The following GABPB1 variants were observed in gnomAD, a reference collection of about 807,000 sequenced individuals.
GABPB1 encodes the protein GA binding protein transcription factor subunit beta 1.
GABPB1 carries 15 observed loss-of-function variants against 45.9 expected under a neutral mutation model. The ratio of observed to expected loss-of-function variants is 0.33; its 90% confidence interval spans 0.22 to 0.50. The LOEUF is 0.50. GABPB1 is among the 20% of genes least tolerant of loss of function. GABPB1 has a pLI of 0.98. For synonymous variants in GABPB1, 143 were observed against 154.4 expected (o/e 0.93, Z 0.55); for missense variants, 252 against 457.5 (o/e 0.55, Z 4.10).
At chr15:50,283,340 T>C (rs988370581) in intron 8 of GABPB1, among the ~76,000 whole-genome samples, 7 of 151,820 alleles carry the variant, frequency 4.6e-5, no homozygotes, top group African/African-American at 1.7e-4. Flanking sequence ...ATTTTATTCA[T>C]ACCTTTCCCT....
At chr15:50,354,444 G>C (rs1273175213) in intron 1 of GABPB1, 1 of 448,474 alleles carries the variant, frequency 2.2e-6, no homozygotes, top group Admixed American at 2.4e-5. Flanking sequence ...GCAGCACAGG[G>C]CGCCCAGGAC....
At chr15:50,339,763 G>A (rs1161232162) in intron 1 of GABPB1, among the ~76,000 whole-genome samples, 1 of 152,098 alleles carries the variant, frequency 6.6e-6, no homozygotes, top group Non-Finnish European at 1.5e-5. Context: ...CATATCTAAA[G>A]TACATAAATT....
At position 50,283,284 on chromosome 15, in the gene GABPB1, C is replaced by T. The variant is rs528695803; in HGVS notation, c.999+2784G>A. 9.2e-4 allele frequency among the ~76,000 whole-genome samples: 140 copies of T among 151,528 alleles called. 2 individuals carry two copies. Among genetic ancestry groups the T allele is most frequent in the Admixed American group, 2.0e-3 (31 of 15,200 alleles). Reference sequence around the variant, plus strand: ...TCTTCCTCCAAAAATATCTTCAATGCGGTAATAAATGGAAGATAAAATTAT... The same window carrying T: ...TCTTCCTCCAAAAATATCTTCAATGTGGTAATAAATGGAAGATAAAATTAT... On this transcript the variant is annotated intron_variant, in intron 8 of 8. Transcript: ENST00000380877.
chr15:50,318,088 A>G (rs555874696), intron 1 of GABPB1, among the ~76,000 whole-genome samples: 1 of 152,284 alleles, frequency 6.6e-6, no homozygotes, highest in East Asian at 1.9e-4. Flanking sequence ...AGTCCCTAGC[A>G]TCTTGCTCTT....
intron 1 of GABPB1, among the ~76,000 whole-genome samples, chr15:50,310,552 T>C (rs1388803305): frequency 6.6e-6 from 1 of 152,240 alleles, no homozygotes; most frequent in South Asian, 2.1e-4. Flanking sequence ...ATAGTAAATG[T>C]GTTCAAAATT....
chr15:50,314,191 A>ATT (rs34621347), intron 1 of GABPB1, among the ~76,000 whole-genome samples: 147 of 148,866 alleles, frequency 9.9e-4, no homozygotes, highest in Middle Eastern at 3.5e-3. Flanking sequence ...TTATTTATTT[A>ATT]TTTATTTTTT....
chr15:50,301,935 G>T (rs1397001508), intron 4 of GABPB1, among the ~76,000 whole-genome samples: 1 of 152,084 alleles, frequency 6.6e-6, no homozygotes, highest in African/African-American at 2.4e-5. Context: ...ACTCTTAGGA[G>T]TAAAAGGAAT....
chr15:50,277,467 A>T lies in GABPB1; in HGVS notation c.*1165T>A, dbSNP rs2045857296. On this transcript the variant is annotated 3_prime_UTR_variant, in exon 9 of 9. Coordinates refer to ENST00000380877, the MANE Select transcript of GABPB1 (RefSeq NM_016654.5). ...AAAAAGAAAAAGTGAACAGTCTGCC[A>T]GTGTTTAATGTCCATACATTGTGGA... 1 of 151,980 alleles carries T rather than the reference A, an allele frequency of 6.6e-6. No homozygotes were observed. 9.4% of individuals were successfully genotyped at this position (151,980 alleles called of 1,614,324 possible).
At chr15:50,293,593 A>T (rs1395676422) in intron 6 of GABPB1, among the ~76,000 whole-genome samples, 3 of 152,184 alleles carry the variant, frequency 2.0e-5, no homozygotes, top group Admixed American at 1.3e-4. Flanking sequence ...TATTGCTTTG[A>T]TTTTTTCAAA....
intron 8 of GABPB1, among the ~76,000 whole-genome samples, chr15:50,279,996 G>A (rs1595722017): frequency 6.6e-6 from 1 of 152,182 alleles, no homozygotes; most frequent in Admixed American, 6.5e-5. Context: ...CCACAAGCAG[G>A]AGCATGTATA....
At chr15:50,314,397 A>ATGG (rs762506942) in intron 1 of GABPB1, 1 of 152,324 alleles carries the variant, frequency 6.6e-6, no homozygotes, top group Non-Finnish European at 1.5e-5. Context: ...GTTAGCCAGG[A>ATGG]TGGTCTCGAT....
chr15:50,297,675 A>G (rs2141010937), intron 6 of GABPB1, among the ~76,000 whole-genome samples: 1 of 152,296 alleles, frequency 6.6e-6, no homozygotes. Flanking sequence ...TCTCTACTAA[A>G]AATACAAAAA....
intron 5 of GABPB1, 153 bp downstream of exon 5, chr15:50,301,104 A>G: frequency 8.6e-7 from 1 of 1,163,928 alleles, no homozygotes; most frequent in Non-Finnish European, 1.2e-6. Context: ...GTTATACCAA[A>G]GAAAACAAAG....
chr15:50,330,190 C>G (rs966244584), intron 1 of GABPB1, among the ~76,000 whole-genome samples: 4 of 152,162 alleles, frequency 2.6e-5, no homozygotes, highest in African/African-American at 9.7e-5. Context: ...AGGCATGAGT[C>G]ACCATGCCCA....
chr15:50,301,802 C>A (rs1337980822), intron 4 of GABPB1, among the ~76,000 whole-genome samples: 1 of 152,090 alleles, frequency 6.6e-6, no homozygotes, highest in Non-Finnish European at 1.5e-5. Context: ...AAAAATATTT[C>A]TGCCCTGTAG....
chr15:50,285,003 TGGTGTGGTGAA>T (rs1469426772), intron 8 of GABPB1, among the ~76,000 whole-genome samples: 1 of 152,156 alleles, frequency 6.6e-6, no homozygotes, highest in Non-Finnish European at 1.5e-5. Flanking sequence ...AATATATTTG[TGGTGTGGTGAA>T]AGATGTACCA....
intron 1 of GABPB1, among the ~76,000 whole-genome samples, chr15:50,316,116 G>A (rs2047318769): frequency 6.6e-6 from 1 of 152,142 alleles, no homozygotes; most frequent in African/African-American, 2.4e-5. Context: ...AAATCATTTA[G>A]TTTAACAACA....
intron 1 of GABPB1, among the ~76,000 whole-genome samples, chr15:50,318,184 A>C (rs1226522255): frequency 6.6e-6 from 1 of 152,184 alleles, no homozygotes; most frequent in Non-Finnish European, 1.5e-5. Flanking sequence ...AAAAAGTAAA[A>C]AGATTTACCA....
At chr15:50,302,862 A>T (rs1005151667) in intron 4 of GABPB1, 67 bp downstream of exon 4, 1 of 1,056,702 alleles carries the variant, frequency 9.5e-7, no homozygotes, top group Non-Finnish European at 1.4e-6. Flanking sequence ...CATGCACAAT[A>T]TAAGAGATCC....
Sources: gnomAD v4.1 joint callset for allele counts (sites outside exome capture counted in the v4.1 genomes callset) on GRCh38, gnomAD v4.1.1 for gene constraint, MANE v1.5 for transcripts, NCBI Gene and HGNC (gene_info 2026-07-23, HGNC 2026-07-21) for gene names.